VPS13B: variants seen among roughly 807,000 people sequenced by gnomAD.
The protein encoded by VPS13B is vacuolar protein sorting 13 homolog B.
Under a neutral mutation model 426.4 loss-of-function variants are expected in VPS13B, and 285 were observed. That is an observed-to-expected ratio of 0.67 (90% CI 0.61 to 0.74). VPS13B has a LOEUF of 0.74. Ranked by LOEUF, VPS13B falls within the 30% of genes least tolerant of loss-of-function variation. VPS13B has a pLI of 0.00. For missense variants in VPS13B, 4,537 were observed against 4,782.6 expected (o/e 0.95, Z 1.51); for synonymous variants, 1,676 against 1,676.4 (o/e 1.00, Z 0.01).
At chr8:99,038,676 ATACTTTT>A in intron 3 of VPS13B, 110 bp downstream of exon 3, 1 of 495,460 alleles carries the variant, frequency 2.0e-6, no homozygotes, top group East Asian at 5.0e-5. Flanking sequence ...CTTAGCTTAT[ATACTTTT>A]TTTTTTTTTT....
At chr8:99,396,433 T>C (rs1425192194) in intron 21 of VPS13B, among the ~76,000 whole-genome samples, 2 of 152,176 alleles carry the variant, frequency 1.3e-5, no homozygotes, top group Non-Finnish European at 2.9e-5. Context: ...TAAAAAGATA[T>C]TTAATGAGAC....
chr8:99,397,122 A>G (rs1245591565), intron 21 of VPS13B, among the ~76,000 whole-genome samples: 2 of 152,104 alleles, frequency 1.3e-5, no homozygotes, highest in Non-Finnish European at 2.9e-5. Context: ...ATCTTTGGTT[A>G]TTGAGTAGAA....
intron 2 of VPS13B, among the ~76,000 whole-genome samples, chr8:99,014,976 T>A (rs1258073567): frequency 6.6e-6 from 1 of 152,058 alleles, no homozygotes; most frequent in African/African-American, 2.4e-5. Context: ...AGAGACCAAC[T>A]GCTTTTTAGG....
chr8:99,663,506 A>C (rs1278849918), intron 35 of VPS13B, among the ~76,000 whole-genome samples: 1 of 152,254 alleles, frequency 6.6e-6, no homozygotes. Context: ...GTAAGCATGA[A>C]GTACCATATT....
intron 2 of VPS13B, among the ~76,000 whole-genome samples, chr8:99,026,086 A>G (rs986428581): frequency 6.6e-6 from 1 of 151,936 alleles, no homozygotes; most frequent in Non-Finnish European, 1.5e-5. Flanking sequence ...CTTGACATGC[A>G]TTGTTAGGTT....
intron 19 of VPS13B, among the ~76,000 whole-genome samples, chr8:99,286,536 G>C (rs1819452602): frequency 1.3e-5 from 2 of 152,086 alleles, no homozygotes; most frequent in Admixed American, 1.3e-4. Flanking sequence ...GAGATCAATT[G>C]AACTTCTACC....
intron 21 of VPS13B, among the ~76,000 whole-genome samples, chr8:99,403,387 A>G (rs1017258797): frequency 7.2e-5 from 11 of 152,060 alleles, no homozygotes; most frequent in African/African-American, 2.7e-4. Flanking sequence ...CGTCTCTACT[A>G]AAAATACAAA....
At chr8:99,192,852 G>A (rs746211788) in intron 16 of VPS13B, 24 bp from the exon 17 acceptor site, 12 of 1,610,802 alleles carry the variant, frequency 7.4e-6, no homozygotes, top group South Asian at 6.6e-5. Flanking sequence ...ACTGTATTGC[G>A]ATTCTTTCTG....
At chr8:99,144,951 A>G (rs951813908) in intron 13 of VPS13B, among the ~76,000 whole-genome samples, 4 of 152,220 alleles carry the variant, frequency 2.6e-5, no homozygotes, top group Middle Eastern at 6.3e-3. Flanking sequence ...TCTGAAGTTT[A>G]TATGTGAGCT....
chr8:99,123,211 G>A (rs1000767644), intron 8 of VPS13B, among the ~76,000 whole-genome samples: 2 of 151,706 alleles, frequency 1.3e-5, no homozygotes, highest in African/African-American at 4.8e-5. Context: ...ATATTATGCA[G>A]TTTAAAATGG....
chr8:99,319,115 A>G (rs1809840546), intron 19 of VPS13B, among the ~76,000 whole-genome samples: 1 of 152,210 alleles, frequency 6.6e-6, no homozygotes, highest in African/African-American at 2.4e-5. Flanking sequence ...TTATAATAGA[A>G]GCACACATTT....
intron 21 of VPS13B, among the ~76,000 whole-genome samples, chr8:99,394,016 T>C (rs1814598926): frequency 6.6e-6 from 1 of 152,154 alleles, no homozygotes; most frequent in African/African-American, 2.4e-5. Context: ...AAGGTATTCA[T>C]AGTCTTTTGC....
intron 50 of VPS13B, among the ~76,000 whole-genome samples, chr8:99,823,269 G>A (rs1440568826): frequency 2.6e-5 from 4 of 152,250 alleles, no homozygotes; most frequent in Admixed American, 1.3e-4. Flanking sequence ...ACTCCCCCAC[G>A]TAGGTACTGT....
chr8:99,091,430 T>C (rs1436288725), intron 3 of VPS13B, among the ~76,000 whole-genome samples: 1 of 152,146 alleles, frequency 6.6e-6, no homozygotes, highest in Non-Finnish European at 1.5e-5. Flanking sequence ...TCATAACCCC[T>C]TTTTTCCACC....
chr8:99,559,480 C>T (rs1335200701), intron 31 of VPS13B, among the ~76,000 whole-genome samples: 1 of 152,092 alleles, frequency 6.6e-6, no homozygotes, highest in Non-Finnish European at 1.5e-5. Context: ...AAGTCCTTGC[C>T]CATGCCTGTG....
chr8:99,127,602 A>G (rs1848238368), intron 8 of VPS13B, among the ~76,000 whole-genome samples: 1 of 152,110 alleles, frequency 6.6e-6, no homozygotes, highest in Admixed American at 6.6e-5. Flanking sequence ...GCTTTATTGC[A>G]ACTTATAGAC....
intron 30 of VPS13B, among the ~76,000 whole-genome samples, chr8:99,537,419 T>C (rs1287832562): frequency 6.6e-6 from 1 of 152,170 alleles, no homozygotes; most frequent in African/African-American, 2.4e-5. Context: ...CATTTATAGG[T>C]GAATTTGCCT....
At chr8:99,467,221 G>A (rs1327886629) in intron 23 of VPS13B, among the ~76,000 whole-genome samples, 193 bp from the exon 24 acceptor site, 1 of 152,072 alleles carries the variant, frequency 6.6e-6, no homozygotes, top group Non-Finnish European at 1.5e-5. Context: ...ACGGTTTATA[G>A]TGTATATAAT....
At chr8:99,028,457 TA>T in intron 2 of VPS13B, among the ~76,000 whole-genome samples, 1 of 110,014 alleles carries the variant, frequency 9.1e-6, no homozygotes, top group East Asian at 3.2e-4. Context: ...CACTTCCCAG[TA>T]GGGGCGGCTG....
Sources: allele counts gnomAD v4.1 joint callset (sites outside exome capture counted in the v4.1 genomes callset), GRCh38; gene constraint gnomAD v4.1.1; transcripts MANE v1.5; gene names NCBI Gene and HGNC (gene_info 2026-07-23, HGNC 2026-07-21).